MYO1E: variants seen among roughly 807,000 people sequenced by gnomAD.
The protein encoded by MYO1E is unconventional myosin-Ie.
Under a neutral mutation model 151.1 loss-of-function variants are expected in MYO1E, and 68 were observed. The ratio of observed to expected loss-of-function variants is 0.45; its 90% CI spans 0.37 to 0.55. The LOEUF (loss-of-function observed/expected upper bound fraction) is 0.55, where lower values mean the gene tolerates loss of function less well. MYO1E is among the 20% of genes least tolerant of loss of function. The pLI is 0.00. For missense variants in MYO1E, 1,363 were observed against 1,389.3 expected, an observed-to-expected ratio of 0.98 and a Z score of 0.30; for synonymous variants, 601 against 501.7, an observed-to-expected ratio of 1.20 and a Z score of -2.64.
chr15:59,287,755 T>C (rs1157369646), intron 1 of MYO1E, among the ~76,000 whole-genome samples: 1 of 152,160 alleles, frequency 6.6e-6, no homozygotes, highest in Non-Finnish European at 1.5e-5. Context: ...GGTCTCAGTC[T>C]GAGTGAATGT....
At chr15:59,177,799 T>C (rs769661196) in intron 19 of MYO1E, among the ~76,000 whole-genome samples, 1 of 152,252 alleles carries the variant, frequency 6.6e-6, no homozygotes, top group Non-Finnish European at 1.5e-5. Flanking sequence ...TGGTAAGTAC[T>C]GTGTTCTATA....
intron 8 of MYO1E, among the ~76,000 whole-genome samples, chr15:59,224,235 G>C (rs1370185503): frequency 6.6e-6 from 1 of 152,112 alleles, no homozygotes; most frequent in South Asian, 2.1e-4. Context: ...AGGGTCCTCT[G>C]CCCTAAACAA....
At chr15:59,250,341 G>A (rs1202332127) in intron 4 of MYO1E, among the ~76,000 whole-genome samples, 1 of 152,214 alleles carries the variant, frequency 6.6e-6, no homozygotes, top group Non-Finnish European at 1.5e-5. Flanking sequence ...GGGCCAGGCA[G>A]GCGGTGCGTG....
intron 1 of MYO1E, among the ~76,000 whole-genome samples, chr15:59,273,732 A>G (rs1358075907): frequency 1.3e-5 from 2 of 152,096 alleles, no homozygotes; most frequent in Non-Finnish European, 2.9e-5. Flanking sequence ...AATAAATATG[A>G]AGTAATGGCA....
At chr15:59,301,120 G>A (rs1420554007) in intron 1 of MYO1E, among the ~76,000 whole-genome samples, 4 of 151,842 alleles carry the variant, frequency 2.6e-5, no homozygotes, top group South Asian at 2.1e-4. Flanking sequence ...CGTCTGCCTC[G>A]ACCTCCTAAA....
rs759846809 is a variant in MYO1E at position 59,208,816 on chromosome 15, G to A, written c.1395C>T (p.Asp465=). ...NPPGIMSILD[D]VCATMHAVGE... Reference sequence around the variant, plus strand: ...CCACCGCATGCATCGTGGCGCACACGTCATCCAGGATGCTCATGATGCCAG... The same window carrying A: ...CCACCGCATGCATCGTGGCGCACACATCATCCAGGATGCTCATGATGCCAG... Residue 465 remains aspartate (D), a synonymous_variant, in exon 14 of 28, where the codon GAC becomes GAT. Coordinates refer to ENST00000288235, the MANE Select transcript of MYO1E (RefSeq NM_004998.4). The A allele has an allele frequency of 9.9e-6, 16 of 1,614,048 alleles. No homozygotes were observed. Among genetic ancestry groups the A allele is most frequent in the South Asian group, 2.2e-5 (2 of 91,082 alleles).
intron 1 of MYO1E, among the ~76,000 whole-genome samples, chr15:59,343,237 T>G (rs1187304467): frequency 6.6e-6 from 1 of 152,164 alleles, no homozygotes; most frequent in Non-Finnish European, 1.5e-5. Flanking sequence ...TGGGAAGGTC[T>G]TAATTTTTCC....
chr15:59,371,435 A>AT (rs66673127), intron 1 of MYO1E, among the ~76,000 whole-genome samples: 13,930 of 147,778 alleles, frequency 0.094, 1,409 homozygotes, highest in African/African-American at 0.26. Context: ...CTTGTAATAG[A>AT]TTTTTTTTTT....
At chr15:59,212,777 T>A (rs1291525291) in intron 12 of MYO1E, 2 of 152,180 alleles carry the variant, frequency 1.3e-5, no homozygotes, top group South Asian at 4.1e-4. Context: ...AATATTGCCA[T>A]TGCGCAAAGC....
In MYO1E at chr15:59,217,848, G is replaced by A. The variant is rs769412495; in HGVS notation, c.1107+43C>T. 8.1e-6 allele frequency: 13 copies of A among 1,602,458 alleles called. No homozygotes were observed. In the South Asian group the frequency reaches 1.1e-4, roughly 14 times the overall value. On this transcript the variant is annotated intron_variant, in intron 10 of 27. Coordinates refer to ENST00000288235, the MANE Select transcript of MYO1E (RefSeq NM_004998.4). ...CAGCCTACTAGTTTTACTCTTTATA[G>A]CTAAGATATGAAGCATCACCAGCAT...
At chr15:59,303,008 C>G (rs1032897028) in intron 1 of MYO1E, among the ~76,000 whole-genome samples, 4 of 152,114 alleles carry the variant, frequency 2.6e-5, no homozygotes, top group South Asian at 2.1e-4. Flanking sequence ...GAGAATACCC[C>G]TCAGAATCAC....
At chr15:59,179,063 C>A (rs888228103) in intron 18 of MYO1E, among the ~76,000 whole-genome samples, 2 of 152,204 alleles carry the variant, frequency 1.3e-5, no homozygotes, top group South Asian at 2.1e-4. Flanking sequence ...CTCGCCTCTT[C>A]ATTCTCACTT....
chr15:59,240,700 A>G (rs557074144), intron 4 of MYO1E, among the ~76,000 whole-genome samples: 2 of 152,322 alleles, frequency 1.3e-5, no homozygotes, highest in Non-Finnish European at 2.9e-5. Context: ...TTTCTGATCT[A>G]AAAATCTCTC....
At position 59,154,165 on chromosome 15, in the gene MYO1E, G is replaced by A. The variant is rs183499271; in HGVS notation, c.2879-374C>T. ...AAGCCCACAGTAAGGTAAGCTTACAGCCGGCTGGGAGACACCTTCTTGGGC... is the reference window on the plus strand; with the variant it reads ...AAGCCCACAGTAAGGTAAGCTTACAACCGGCTGGGAGACACCTTCTTGGGC... On this transcript the variant is annotated intron_variant, in intron 25 of 27. Transcript: ENST00000288235. Among the ~76,000 whole-genome samples, 9 of 152,328 alleles carry A rather than the reference G, an allele frequency of 5.9e-5. No homozygotes were observed. In the East Asian group the frequency reaches 1.7e-3, roughly 29 times the overall value.
intron 24 of MYO1E, among the ~76,000 whole-genome samples, chr15:59,158,771 T>C (rs1316422685): frequency 2.0e-5 from 3 of 152,240 alleles, no homozygotes; most frequent in African/African-American, 7.2e-5. Context: ...GGGGTTGGCA[T>C]GAAGCCCGTT....
At chr15:59,165,270 G>A (rs529024351) in intron 22 of MYO1E, among the ~76,000 whole-genome samples, 56 of 152,290 alleles carry the variant, frequency 3.7e-4, no homozygotes, top group African/African-American at 7.7e-4. Flanking sequence ...GGGGCGGGGC[G>A]GTGAATGGAG....
chr15:59,165,467 C>A (rs2079558651), intron 22 of MYO1E, among the ~76,000 whole-genome samples: 1 of 152,212 alleles, frequency 6.6e-6, no homozygotes, highest in Non-Finnish European at 1.5e-5. Flanking sequence ...TGTTTGTTTT[C>A]AGACATCCAC....
rs1240330961 is a variant in MYO1E at position 59,214,713 on chromosome 15, T to C, written c.1115A>G (p.Asn372Ser). 1.9e-6 allele frequency: 3 copies of C among 1,612,710 alleles called. No individual in the cohort carries two copies. The highest frequency in any genetic ancestry group is 1.3e-5 in the African/African-American group (1 of 74,988). ...RVFDFLVDSINKAMEKDHEEY... is the reference protein window; with the variant it reads ...RVFDFLVDSISKAMEKDHEEY... ...TTCATGGTCTTTCTCCATGGCTTTA[T>C]TGATGGACTAGAGAAAGTAAACAGC... Residue 372 changes from asparagine (N) to serine (S), a missense_variant, in exon 11 of 28, where the codon AAT becomes AGT. Transcript: ENST00000288235.
chr15:59,220,506 T>G (rs903206384), intron 9 of MYO1E, among the ~76,000 whole-genome samples: 1 of 152,220 alleles, frequency 6.6e-6, no homozygotes, highest in Admixed American at 6.5e-5. Flanking sequence ...AATGGCTATT[T>G]TGCTTTAGTA....
Sources: gnomAD v4.1 joint callset for allele counts (sites outside exome capture counted in the v4.1 genomes callset) on GRCh38, gnomAD v4.1.1 for gene constraint, MANE v1.5 for transcripts, NCBI Gene and HGNC (gene_info 2026-07-23, HGNC 2026-07-21) for gene names.